RALGPS2: variants seen among roughly 807,000 people sequenced by gnomAD.
RALGPS2 encodes the protein Ral GEF with PH domain and SH3 binding motif 2.
A neutral mutation model predicts 86.8 loss-of-function variants in RALGPS2; 43 were observed. That is an observed-to-expected ratio of 0.50 (90% CI 0.39 to 0.64). The LOEUF (loss-of-function observed/expected upper bound fraction) is 0.64. RALGPS2 is among the 30% of genes least tolerant of loss of function. RALGPS2 has a pLI of 0.00. For synonymous variants in RALGPS2, 243 were observed against 231.3 expected (o/e 1.05, Z -0.46); for missense variants, 536 against 694.6 (o/e 0.77, Z 2.57).
At chr1:178,806,361 T>G (rs1654739968) in intron 4 of RALGPS2, among the ~76,000 whole-genome samples, 1 of 152,174 alleles carries the variant, frequency 6.6e-6, no homozygotes, top group African/African-American at 2.4e-5. Flanking sequence ...AGTGCTGCTA[T>G]TAAGATATCT....
intron 7 of RALGPS2, among the ~76,000 whole-genome samples, chr1:178,825,574 T>C (rs1003781164): frequency 1.3e-5 from 2 of 152,182 alleles, no homozygotes; most frequent in Admixed American, 1.3e-4. Flanking sequence ...GGATTTTTTT[T>C]CTCCAACTAC....
chr1:178,790,570 T>C (rs1321739336), intron 4 of RALGPS2, among the ~76,000 whole-genome samples: 1 of 152,236 alleles, frequency 6.6e-6, no homozygotes, highest in African/African-American at 2.4e-5. Flanking sequence ...ATATTTTATG[T>C]AGATGGTGTT....
intron 4 of RALGPS2, among the ~76,000 whole-genome samples, chr1:178,799,876 A>G (rs1470568638): frequency 3.3e-5 from 5 of 152,218 alleles, no homozygotes; most frequent in Admixed American, 6.5e-5. Context: ...CATGAAAGCC[A>G]TCAAGCCCAA....
chr1:178,811,280 T>C, intron 5 of RALGPS2, 35 bp from the exon 6 acceptor site: 1 of 1,453,814 alleles, frequency 6.9e-7, no homozygotes, highest in Non-Finnish European at 9.3e-7. Flanking sequence ...AAATTAAAAA[T>C]CATAGTGATA....
rs1460102100 is a variant in RALGPS2, at chr1:178,776,804, G to A, written c.40G>A (p.Ala14Thr). ...MNGQASSVNIAATASEKSSSS... is the reference protein window; with the variant it reads ...MNGQASSVNITATASEKSSSS... ...CGGGCAGGCAAGCAGTGTCAATATT[G>A]CAGCTACTGCTTCTGAGGTAAGATA... Residue 14 changes from alanine (A) to threonine (T), a missense_variant, in exon 2 of 20, where the codon GCA becomes ACA. This residue lies in a region of RALGPS2 where 43 missense variants were observed against 34.9 expected (regional missense o/e 1.23). Coordinates refer to ENST00000367635, the MANE Select transcript of RALGPS2 (RefSeq NM_152663.5). The A allele has an allele frequency of 6.2e-7, 1 of 1,612,932 alleles. No individual in the cohort carries two copies. Among genetic ancestry groups the A allele is most frequent in the South Asian group, 1.1e-5 (1 of 90,958 alleles).
chr1:178,913,980 T>C (rs1660719313), intron 19 of RALGPS2, among the ~76,000 whole-genome samples: 1 of 152,154 alleles, frequency 6.6e-6, no homozygotes, highest in South Asian at 2.1e-4. Context: ...GTAAAAGCAC[T>C]ATGGTGACAG....
At position 178,776,863 on chromosome 1, in the gene RALGPS2, G is replaced by C. The variant is rs764872562; in HGVS notation, c.57+42G>C. The C allele has an allele frequency of 2.0e-6, 3 of 1,527,850 alleles. No homozygotes were observed. The African/African-American group carries it at 4.1e-5, about 21-fold the overall frequency. The allele number at this position is 1,527,850 out of a possible 1,614,324, so 94.6% of individuals were successfully genotyped here. A position where few individuals can be genotyped will look rare whatever the true frequency, so the allele number is the denominator to read the frequency against. ...GCTTGGGTGTAAAGTTTCTTACCTG[G>C]CTTTCTAATTTTTCAAGCATTATGT... On this transcript the variant is annotated intron_variant, in intron 2 of 19. Coordinates refer to ENST00000367635, the MANE Select transcript of RALGPS2 (RefSeq NM_152663.5).
At chr1:178,776,591 A>C in intron 1 of RALGPS2, 91 bp from the exon 2 acceptor site, 1 of 476,198 alleles carries the variant, frequency 2.1e-6, no homozygotes, top group East Asian at 3.4e-5. Flanking sequence ...AGTGAAGTTG[A>C]AATTTTTGTT....
chr1:178,824,670 G>A (rs1214816984), intron 7 of RALGPS2, among the ~76,000 whole-genome samples: 10 of 152,084 alleles, frequency 6.6e-5, no homozygotes, highest in Non-Finnish European at 1.0e-4. Flanking sequence ...TTAGTCAGAC[G>A]TGGTGATGGG....
intron 2 of RALGPS2, among the ~76,000 whole-genome samples, chr1:178,778,811 G>A (rs543053756): frequency 5.6e-4 from 85 of 151,594 alleles, no homozygotes; most frequent in African/African-American, 1.6e-3. Context: ...ACCAAACACC[G>A]CATATTCTCA....
At chr1:178,792,874 A>G (rs1654022755) in intron 4 of RALGPS2, among the ~76,000 whole-genome samples, 2 of 152,226 alleles carry the variant, frequency 1.3e-5, no homozygotes, top group African/African-American at 4.8e-5. Flanking sequence ...CATCATCTAT[A>G]TTCAACCACT....
At chr1:178,766,032 G>C (rs993360864) in intron 1 of RALGPS2, among the ~76,000 whole-genome samples, 3 of 152,306 alleles carry the variant, frequency 2.0e-5, no homozygotes, top group Non-Finnish European at 4.4e-5. Flanking sequence ...AGCTTACAAA[G>C]ATGACGGGAT....
At chr1:178,887,124 T>C (rs1238342713) in intron 13 of RALGPS2, among the ~76,000 whole-genome samples, 1 of 152,196 alleles carries the variant, frequency 6.6e-6, no homozygotes, top group Non-Finnish European at 1.5e-5. Flanking sequence ...TTTTTGAGTC[T>C]TCTAGATGAG....
chr1:178,875,954 C>A (rs1014511943), intron 8 of RALGPS2, among the ~76,000 whole-genome samples: 1 of 151,920 alleles, frequency 6.6e-6, no homozygotes, highest in African/African-American at 2.4e-5. Flanking sequence ...TCATTTGGAA[C>A]CTCAAGATTC....
At chr1:178,728,326 A>G (rs187269581) in intron 1 of RALGPS2, among the ~76,000 whole-genome samples, 3 of 150,922 alleles carry the variant, frequency 2.0e-5, no homozygotes, top group African/African-American at 7.3e-5. Context: ...AAACCAAACT[A>G]TTAATTGAAA....
chr1:178,814,283 T>C (rs1655126512), intron 6 of RALGPS2, among the ~76,000 whole-genome samples: 1 of 152,258 alleles, frequency 6.6e-6, no homozygotes, highest in Non-Finnish European at 1.5e-5. Flanking sequence ...ATATCACAAA[T>C]TATTCAATGT....
At chr1:178,829,263 G>A (rs997427107) in intron 7 of RALGPS2, among the ~76,000 whole-genome samples, 1 of 152,204 alleles carries the variant, frequency 6.6e-6, no homozygotes, top group African/African-American at 2.4e-5. Context: ...GAAATGTTGG[G>A]TCAGTAGGTA....
At chr1:178,747,502 A>G (rs1488044736) in intron 1 of RALGPS2, 15 of 1,609,500 alleles carry the variant, frequency 9.3e-6, no homozygotes, top group African/African-American at 1.3e-5. Flanking sequence ...CTTTCTCCAT[A>G]ATGCGGTTCA....
At chr1:178,872,966 A>G (rs181213087) in intron 8 of RALGPS2, among the ~76,000 whole-genome samples, 172 of 152,310 alleles carry the variant, frequency 1.1e-3, no homozygotes, top group African/African-American at 4.1e-3. Context: ...AAGGAAGGTT[A>G]ATGACAGACC....
Sources: allele counts gnomAD v4.1 joint callset (sites outside exome capture counted in the v4.1 genomes callset), GRCh38; gene constraint gnomAD v4.1.1; regional missense constraint gnomAD v4.1.1; transcripts MANE v1.5; gene names NCBI Gene and HGNC (gene_info 2026-07-23, HGNC 2026-07-21).